Variants in DNM1 observed in about 807,000 individuals in gnomAD.
The protein encoded by DNM1 is dynamin 1, also known as dynamin-1.
Under a neutral mutation model 104.6 loss-of-function variants are expected in DNM1, and 29 were observed. That is an observed-to-expected ratio of 0.28 (90% CI 0.21 to 0.38). The LOEUF is 0.38. Among genes scored for constraint, DNM1 ranks in the 10% least tolerant of loss-of-function variants. DNM1 has a pLI of 1.00. For synonymous variants in DNM1, 445 were observed against 475.8 expected (o/e 0.94, Z 0.84); for missense variants, 640 against 1,189.4 (o/e 0.54, Z 6.79).
chr9:128,254,875 AAAACTTGTG>A lies in DNM1; in HGVS notation c.*162_*170del, dbSNP rs1829758508. On this transcript the variant is annotated 3_prime_UTR_variant, in exon 22 of 22. Transcript: ENST00000372923. This position sits in a 1 kb window ranked among gnomAD's most constrained non-coding sequence, Gnocchi z 6.1. ...ATACATTCAGGTGTGACCGTTGGTG[AAAACTTGTG>A]CCCCTTCTGTGGTATGCCCTTGCCC... is the stretch of plus-strand genomic sequence containing the variant. The A allele has an allele frequency of 1.6e-6, 1 of 639,340 alleles. No individual in the cohort carries two copies. Among genetic ancestry groups the A allele is most frequent in the African/African-American group, 1.8e-5 (1 of 54,482 alleles). 39.6% of individuals were successfully genotyped at this position (639,340 alleles called of 1,614,324 possible).
At chr9:128,251,532 G>A (rs1829517969) in intron 21 of DNM1, 1 of 168,074 alleles carries the variant, frequency 5.9e-6, no homozygotes, top group South Asian at 1.2e-4. Flanking sequence ...GCACACGAGT[G>A]TGAGAGTGTA....
Position 128,253,852 on chromosome 9 carries a change from C to G in DNM1, c.2535-802C>G, listed in dbSNP as rs1464642525. 28 of 1,154,494 alleles carry G rather than the reference C, an allele frequency of 2.4e-5. No homozygotes were observed. The highest frequency in any genetic ancestry group is 4.5e-5 in the South Asian group (1 of 22,192). 71.5% of individuals were successfully genotyped at this position (1,154,494 alleles called of 1,614,324 possible). A position where few individuals can be genotyped will look rare whatever the true frequency, so the allele number is the denominator to read the frequency against. ...GCCCCAGCTGAAGCACCGTAGCCAG[C>G]CAGCGGGCTCACGCACCTTGGCCTG... On this transcript the variant is annotated intron_variant, in intron 21 of 21. Transcript: ENST00000372923. The surrounding 1 kb of genome is among the most constrained non-coding windows in gnomAD (Gnocchi z 5.9).
chr9:128,253,213 C>A lies in DNM1; in HGVS notation c.2535-1441C>A. Reference sequence around the variant, plus strand: ...GCACTAGCTCCACACGGGGCGCGCACCTGGGACCTCAGAGCCAGGCTCCCC... The same window carrying A: ...GCACTAGCTCCACACGGGGCGCGCAACTGGGACCTCAGAGCCAGGCTCCCC... On this transcript the variant is annotated intron_variant, in intron 21 of 21. Transcript: ENST00000372923. This position sits in a 1 kb window ranked among gnomAD's most constrained non-coding sequence, Gnocchi z 5.9. The A allele has an allele frequency of 7.0e-7, 1 of 1,435,446 alleles. No individual in the cohort carries two copies. Among genetic ancestry groups the A allele is most frequent in the East Asian group, 2.3e-5 (1 of 43,450 alleles). 88.9% of individuals were successfully genotyped at this position (1,435,446 alleles called of 1,614,324 possible). A position where few individuals can be genotyped will look rare whatever the true frequency, so the allele number is the denominator to read the frequency against.
At chr9:128,209,477 A>G (rs1221927881) in intron 1 of DNM1, among the ~76,000 whole-genome samples, 1 of 152,170 alleles carries the variant, frequency 6.6e-6, no homozygotes, top group Non-Finnish European at 1.5e-5. Context: ...GGACGCCCAC[A>G]TGCCATATGT....
chr9:128,230,159 G>C (rs1835587638), intron 10 of DNM1, among the ~76,000 whole-genome samples: 1 of 150,228 alleles, frequency 6.7e-6, no homozygotes, highest in East Asian at 2.0e-4. Flanking sequence ...GGAGGTTGCA[G>C]TTAGCCAAGA....
At position 128,240,280 on chromosome 9, in the gene DNM1, T is replaced by G; in HGVS notation, c.1557+284T>G. 1 of 461,028 alleles carries G rather than the reference T, an allele frequency of 2.2e-6. No homozygotes were observed. Among genetic ancestry groups the G allele is most frequent in the Admixed American group, 3.8e-5 (1 of 26,098 alleles). 28.6% of individuals were successfully genotyped at this position (461,028 alleles called of 1,614,324 possible). On this transcript the variant is annotated intron_variant, in intron 14 of 21. Coordinates refer to ENST00000372923, the MANE Select transcript of DNM1 (RefSeq NM_004408.4). The surrounding 1 kb of genome is among the most constrained non-coding windows in gnomAD (Gnocchi z 5.1). ...GCACGGAGTAGGTGCTCCTTAAACA[T>G]CTGCTGGATGGAGGGATGCACGTGA... is the stretch of plus-strand genomic sequence containing the variant.
Position 128,234,183 on chromosome 9 carries a change from G to C in DNM1, c.1422+76G>C, listed in dbSNP as rs2131227826. The stretch of plus-strand genomic sequence containing the variant: ...GCCTGCGCCTTCCACTCCTGGCCCT[G>C]GGGTTGCTTCCTTCTTGTTTTGTCT... On this transcript the variant is annotated intron_variant, in intron 11 of 21. Coordinates refer to ENST00000372923, the MANE Select transcript of DNM1 (RefSeq NM_004408.4). 3.2e-6 allele frequency: 4 copies of C among 1,245,140 alleles called. No individual in the cohort carries two copies. In the East Asian group the frequency reaches 1.0e-4, roughly 32 times the overall value. 77.1% of individuals were successfully genotyped at this position (1,245,140 alleles called of 1,614,324 possible).
intron 1 of DNM1, among the ~76,000 whole-genome samples, chr9:128,213,744 G>C (rs2131125552): frequency 6.6e-6 from 1 of 152,256 alleles, no homozygotes; most frequent in South Asian, 2.1e-4. Context: ...GTCAGTGCGG[G>C]TGTCCTGAGA....
chr9:128,252,043 T>G, intron 21 of DNM1: 1 of 186,944 alleles, frequency 5.3e-6, no homozygotes, highest in Non-Finnish European at 1.1e-5. Context: ...GGACTGGGAG[T>G]CCAGAGATGC....
rs1836886986 is a variant in DNM1, at chr9:128,247,277, G to A, written c.1782-98G>A. 1 of 715,366 alleles carries A rather than the reference G, an allele frequency of 1.4e-6. No homozygotes were observed. 44.3% of individuals were successfully genotyped at this position (715,366 alleles called of 1,614,324 possible). A position where few individuals can be genotyped will look rare whatever the true frequency, so the allele number is the denominator to read the frequency against. On this transcript the variant is annotated intron_variant, in intron 16 of 21. Coordinates refer to ENST00000372923, the MANE Select transcript of DNM1 (RefSeq NM_004408.4). The surrounding 1 kb of genome is among the most constrained non-coding windows in gnomAD (Gnocchi z 5.1). ...GGTCACACAGCTGGGAAATGAGCTG[G>A]CCTCAGGCATGTTGACCCCAAAGTC...
chr9:128,218,936 C>A lies in DNM1; in HGVS notation c.386-113C>A. 1.5e-6 allele frequency: 2 copies of A among 1,348,692 alleles called. No individual in the cohort carries two copies. Among genetic ancestry groups the A allele is most frequent in the South Asian group, 1.3e-5 (1 of 75,236 alleles). 83.5% of individuals were successfully genotyped at this position (1,348,692 alleles called of 1,614,324 possible). ...ACTTTCGCCCTGAGATTTCCTAGTC[C>A]CACCCACCTGCCACCCTGCTCCCAA... On this transcript the variant is annotated intron_variant, in intron 3 of 21. Transcript: ENST00000372923. The surrounding 1 kb of genome is among the most constrained non-coding windows in gnomAD (Gnocchi z 4.8).
intron 20 of DNM1, 149 bp downstream of exon 20, chr9:128,250,505 G>T: frequency 9.3e-7 from 1 of 1,072,986 alleles, no homozygotes; most frequent in Middle Eastern, 3.2e-4. Context: ...GGCTTGTCGC[G>T]GGGCGGGGCT....
intron 10 of DNM1, among the ~76,000 whole-genome samples, chr9:128,231,476 C>T (rs1835692772): frequency 6.6e-6 from 1 of 152,140 alleles, no homozygotes; most frequent in African/African-American, 2.4e-5. Context: ...ACTGGGATTA[C>T]AGGTGCAAGC....
Position 128,253,486 on chromosome 9 carries a change from C to G in DNM1, c.2535-1168C>G. 1 of 341,560 alleles carries G rather than the reference C, an allele frequency of 2.9e-6. No homozygotes were observed. Among genetic ancestry groups the G allele is most frequent in the Non-Finnish European group, 5.4e-6 (1 of 184,018 alleles). 21.2% of individuals were successfully genotyped at this position (341,560 alleles called of 1,614,324 possible). A position where few individuals can be genotyped will look rare whatever the true frequency, so the allele number is the denominator to read the frequency against. On this transcript the variant is annotated intron_variant, in intron 21 of 21. Transcript: ENST00000372923. This position sits in a 1 kb window ranked among gnomAD's most constrained non-coding sequence, Gnocchi z 5.9. ...TAAAGGCTGGGAGCTTGGAGGGGGT[C>G]GTGTGTGGGGCTGGACTCTGAGGCG...
rs984315942 is a variant in DNM1 at position 128,243,966 on chromosome 9, T to C, written c.1671+1621T>C. 2.7e-5 allele frequency among the ~76,000 whole-genome samples: 4 copies of C among 149,956 alleles called. No individual in the cohort carries two copies. Among genetic ancestry groups the C allele is most frequent in the African/African-American group, 7.4e-5 (3 of 40,664 alleles). On this transcript the variant is annotated intron_variant, in intron 15 of 21. Coordinates refer to ENST00000372923, the MANE Select transcript of DNM1 (RefSeq NM_004408.4). The surrounding 1 kb of genome is among the most constrained non-coding windows in gnomAD (Gnocchi z 4.0). Reference sequence around the variant, plus strand: ...TTGTGTGTGTGTGTGTGTGTGTGTGTGTGGCTTGTGGGTCTGGTGTGTGGG... The same window carrying C: ...TTGTGTGTGTGTGTGTGTGTGTGTGCGTGGCTTGTGGGTCTGGTGTGTGGG...
intron 12 of DNM1, 79 bp downstream of exon 12, chr9:128,239,594 GTGTGTGT>G (rs1193290944): frequency 4.0e-6 from 5 of 1,244,062 alleles, no homozygotes; most frequent in Middle Eastern, 1.9e-4. Context: ...GTGTGTGTGT[GTGTGTGT>G]GTGTGTGTGT....
chr9:128,247,627 C>A lies in DNM1; in HGVS notation c.1893+141C>A. On this transcript the variant is annotated intron_variant, in intron 17 of 21. Coordinates refer to ENST00000372923, the MANE Select transcript of DNM1 (RefSeq NM_004408.4). The surrounding 1 kb of genome is among the most constrained non-coding windows in gnomAD (Gnocchi z 5.1). The stretch of plus-strand genomic sequence containing the variant: ...ATAGGAATCCTCCCCCCTACCCACT[C>A]TGGGGGTGGGAACAGAGATAAGTCT... 2 of 754,198 alleles carry A rather than the reference C, an allele frequency of 2.7e-6. No homozygotes were observed. Among genetic ancestry groups the A allele is most frequent in the Admixed American group, 2.6e-5 (1 of 37,938 alleles). 46.7% of individuals were successfully genotyped at this position (754,198 alleles called of 1,614,324 possible).
rs1288585923 is a variant in DNM1, at chr9:128,243,638, C to T, written c.1671+1293C>T. ...TGGGGTGCGGGTGGGGGGTGGCTTC[C>T]TGCCGGTCTCTCTGCAGGCTCCCTA... On this transcript the variant is annotated intron_variant, in intron 15 of 21. Transcript: ENST00000372923. The surrounding 1 kb of genome is among the most constrained non-coding windows in gnomAD (Gnocchi z 4.0). 1.3e-5 allele frequency among the ~76,000 whole-genome samples: 2 copies of T among 152,172 alleles called. No individual in the cohort carries two copies. The highest frequency in any genetic ancestry group is 4.8e-5 in the African/African-American group (2 of 41,454).
Position 128,250,734 on chromosome 9 carries a change from G to C in DNM1, c.2328G>C (p.Thr776=). The C allele has an allele frequency of 3.4e-6, 5 of 1,459,380 alleles. No individual in the cohort carries two copies. The South Asian group carries it at 5.3e-5, about 15-fold the overall frequency. The allele number at this position is 1,459,380 out of a possible 1,614,324, so 90.4% of individuals were successfully genotyped here. ...TCCCTGTCGCCCTCAGGTCGCCCAC[G>C]TCCAGCCCCACGCCGCAGCGCCGAG... ...QSVPAGRRSP[T]SSPTPQRRAP... is the part of the protein sequence containing the mutation. Residue 776 remains threonine (T), a synonymous_variant, in exon 21 of 22, where the codon ACG becomes ACC. Coordinates refer to ENST00000372923, the MANE Select transcript of DNM1 (RefSeq NM_004408.4).
Sources: allele counts gnomAD v4.1 joint callset (sites outside exome capture counted in the v4.1 genomes callset), GRCh38; gene constraint gnomAD v4.1.1; non-coding constraint Gnocchi (gnomAD v3.1); transcripts MANE v1.5; gene names NCBI Gene and HGNC (gene_info 2026-07-23, HGNC 2026-07-21).